IQSEC1: variants seen among roughly 807,000 people sequenced by gnomAD.
The protein encoded by IQSEC1 is IQ motif and Sec7 domain ArfGEF 1.
In IQSEC1, 31 loss-of-function variants were observed where a neutral mutation model predicts 91.0. The observed-to-expected ratio is 0.34, with a 90% CI of 0.26 to 0.46. IQSEC1 has a LOEUF of 0.46. IQSEC1 is among the 20% of genes least tolerant of loss of function. The pLI is 1.00. For synonymous variants in IQSEC1, 699 were observed against 662.6 expected (o/e 1.05, Z -0.84); for missense variants, 1,388 against 1,575.6 (o/e 0.88, Z 2.02).
rs9870333 is a variant in IQSEC1, at chr3:13,150,472, C to A, written c.302+13632G>T. Among the ~76,000 whole-genome samples, 520 of 152,292 alleles carry A rather than the reference C, an allele frequency of 3.4e-3. 3 individuals are homozygous for A. The highest frequency in any genetic ancestry group is 0.012 in the African/African-American group (499 of 41,562). ...CTAGCAATAAGCAGGTTGGACCATG[C>A]GTGAGGTGGCCTGTTCCCAAGTTAT... On this transcript the variant is annotated intron_variant, in intron 2 of 15. Transcript: ENST00000648114.
chr3:13,127,134 TG>T (rs1706526790), intron 2 of IQSEC1, among the ~76,000 whole-genome samples: 1 of 152,146 alleles, frequency 6.6e-6, no homozygotes, highest in African/African-American at 2.4e-5. Flanking sequence ...AGTTCTCGGC[TG>T]GGGGCGGTGG....
intron 1 of IQSEC1, among the ~76,000 whole-genome samples, chr3:13,268,771 A>T (rs1286094735): frequency 2.0e-5 from 3 of 152,194 alleles, no homozygotes; most frequent in East Asian, 3.9e-4. Context: ...TCGTCGATTC[A>T]TTCAAAATAT....
intron 2 of IQSEC1, among the ~76,000 whole-genome samples, chr3:13,091,527 G>GGCCTCCCT (rs139398924): frequency 0.015 from 2,360 of 152,264 alleles, 62 homozygotes; most frequent in African/African-American, 0.053. Context: ...CTGGCCTCCT[G>GGCCTCCCT]GCCTCCCTGC....
intron 1 of IQSEC1, among the ~76,000 whole-genome samples, chr3:13,052,445 G>A (rs772588875): frequency 5.9e-5 from 9 of 152,348 alleles, no homozygotes; most frequent in Non-Finnish European, 1.0e-4. Flanking sequence ...CCATTCATCC[G>A]CTGAGGGCAT....
chr3:13,223,920 A>AGCTTTG (rs1694706023), intron 1 of IQSEC1, among the ~76,000 whole-genome samples: 1 of 152,062 alleles, frequency 6.6e-6, no homozygotes, highest in Non-Finnish European at 1.5e-5. Context: ...GACATTAATG[A>AGCTTTG]GCTTTGGAAG....
chr3:13,224,057 T>C (rs1023611080), intron 1 of IQSEC1, among the ~76,000 whole-genome samples: 4 of 152,018 alleles, frequency 2.6e-5, no homozygotes, highest in African/African-American at 9.7e-5. Flanking sequence ...TCCAGTTCCT[T>C]ATCTGAGAAA....
At chr3:13,266,594 TC>T (rs1695494331) in intron 1 of IQSEC1, among the ~76,000 whole-genome samples, 1 of 151,244 alleles carries the variant, frequency 6.6e-6, no homozygotes, top group Non-Finnish European at 1.5e-5. Flanking sequence ...TTTTTTTTTT[TC>T]AATAAAATCA....
intron 1 of IQSEC1, among the ~76,000 whole-genome samples, chr3:13,276,242 C>T (rs1000479459): frequency 3.3e-5 from 5 of 151,836 alleles, no homozygotes; most frequent in Non-Finnish European, 5.9e-5. Flanking sequence ...GCGCCTGCCA[C>T]TGCGCCAGGC....
chr3:13,017,199 ATCCCTCCCTG>A (rs72148016), intron 1 of IQSEC1, among the ~76,000 whole-genome samples: 3,007 of 152,148 alleles, frequency 0.02, 170 homozygotes, highest in Admixed American at 0.11. Flanking sequence ...TCACTCTGTC[ATCCCTCCCTG>A]TTTTATTTTC....
chr3:13,235,593 C>T (rs1246005530), intron 1 of IQSEC1, among the ~76,000 whole-genome samples: 2 of 152,266 alleles, frequency 1.3e-5, no homozygotes, highest in East Asian at 3.9e-4. Flanking sequence ...TCTGCAGACA[C>T]GCAGGCACCA....
intron 2 of IQSEC1, among the ~76,000 whole-genome samples, chr3:13,132,602 C>T (rs1056719122): frequency 3.9e-5 from 6 of 152,188 alleles, no homozygotes; most frequent in Non-Finnish European, 8.8e-5. Flanking sequence ...TGGCTTCCCT[C>T]TCTCTGAGCT....
chr3:12,976,377 G>T (rs1156306888), intron 1 of IQSEC1, among the ~76,000 whole-genome samples: 2 of 152,202 alleles, frequency 1.3e-5, no homozygotes, highest in African/African-American at 4.8e-5. Context: ...TTCCCCGGCT[G>T]CCTGCGCCTC....
chr3:13,076,883 C>A (rs1443920801), upstream of IQSEC1, among the ~76,000 whole-genome samples: 1 of 152,186 alleles, frequency 6.6e-6, no homozygotes, highest in Non-Finnish European at 1.5e-5. Context: ...GTTCCAATCT[C>A]TGCAGAGGTG....
rs1706104310 is a variant in IQSEC1, at chr3:13,103,836, G to A, written c.303-56314C>T. Among the ~76,000 whole-genome samples the A allele has an allele frequency of 6.6e-6, 1 of 152,198 alleles. No homozygotes were observed. The highest frequency in any genetic ancestry group is 1.5e-5 in the Non-Finnish European group (1 of 68,034). ...ATCACTGCTCTCTCCCCAGCGTGCG[G>A]CACATAGTAGGTGCTCAGTAAGTCA... On this transcript the variant is annotated intron_variant, in intron 2 of 15. Transcript: ENST00000648114. This position sits in a 1 kb window ranked among gnomAD's most constrained non-coding sequence, Gnocchi z 4.1.
Position 12,899,575 on chromosome 3 carries a change from A to G in IQSEC1, c.*1408T>C. On this transcript the variant is annotated 3_prime_UTR_variant, in exon 14 of 14. Transcript: ENST00000613206. ...ATGTGATGCCCTGGCAGCTCACTGG[A>G]CCATGGGAAGGCAGCGGGGGCTCCG... The G allele has an allele frequency of 6.8e-7, 1 of 1,478,264 alleles. No individual in the cohort carries two copies. Among genetic ancestry groups the G allele is most frequent in the Non-Finnish European group, 9.0e-7 (1 of 1,105,468 alleles). 91.6% of individuals were successfully genotyped at this position (1,478,264 alleles called of 1,614,324 possible).
At chr3:12,947,126 C>T (rs954014420) in intron 1 of IQSEC1, among the ~76,000 whole-genome samples, 5 of 152,348 alleles carry the variant, frequency 3.3e-5, no homozygotes, top group Admixed American at 1.3e-4. Flanking sequence ...AAAGCAGCCT[C>T]GGGGAGATGA....
At chr3:12,914,439 C>T (rs540207861) in intron 8 of IQSEC1, among the ~76,000 whole-genome samples, 25 of 152,270 alleles carry the variant, frequency 1.6e-4, no homozygotes, top group African/African-American at 5.8e-4. Context: ...GAGTTTGGCA[C>T]ATCTGGGGGT....
intron 1 of IQSEC1, among the ~76,000 whole-genome samples, chr3:13,232,142 A>C (rs1247567552): frequency 6.6e-6 from 1 of 152,198 alleles, no homozygotes; most frequent in East Asian, 1.9e-4. Context: ...GTGCTTTCTC[A>C]GCTGAGTCTC....
chr3:13,277,882 C>G (rs1431949951), intron 1 of IQSEC1, among the ~76,000 whole-genome samples: 3 of 152,176 alleles, frequency 2.0e-5, no homozygotes, highest in Non-Finnish European at 4.4e-5. Flanking sequence ...CCCCCCGCCC[C>G]TGGCCCAGCA....
Sources: allele counts gnomAD v4.1 joint callset (sites outside exome capture counted in the v4.1 genomes callset), GRCh38; gene constraint gnomAD v4.1.1; non-coding constraint Gnocchi (gnomAD v3.1); transcripts MANE v1.5; gene names NCBI Gene and HGNC (gene_info 2026-07-23, HGNC 2026-07-21).